Variants in AQP8 observed in about 807,000 individuals in gnomAD.
The protein encoded by AQP8 is aquaporin 8, also known as aquaporin-8.
In AQP8, 14 loss-of-function variants were observed where a neutral mutation model predicts 26.1. The observed-to-expected ratio is 0.54, with a 90% CI of 0.35 to 0.84. The LOEUF (loss-of-function observed/expected upper bound fraction) is 0.84, where lower values mean the gene tolerates loss of function less well. Among genes scored for constraint, AQP8 ranks in the 40% least tolerant of loss-of-function variants. AQP8 has a pLI of 0.01. For synonymous variants in AQP8, 131 were observed against 150.7 expected, an observed-to-expected ratio of 0.87 and a Z score of 0.96; for missense variants, 301 against 340.5, an observed-to-expected ratio of 0.88 and a Z score of 0.91.
chr16:25,220,990 G>A (rs1380985800), intron 2 of AQP8, among the ~76,000 whole-genome samples: 1 of 152,212 alleles, frequency 6.6e-6, no homozygotes, highest in Non-Finnish European at 1.5e-5. Context: ...GGTGGAAGCT[G>A]CAGTGAGCCG....
chr16:25,217,422 G>A lies in AQP8; in HGVS notation c.237G>A (p.Val79=), dbSNP rs1283853260. The part of the protein sequence containing the change: ...ALAHGLALGL[V]IATLGNISGG... Reference sequence around the variant, plus strand: ...CCCACGGGCTGGCTTTGGGGCTCGTGATTGCCACGCTGGGGAATATCAGGT... The same window carrying A: ...CCCACGGGCTGGCTTTGGGGCTCGTAATTGCCACGCTGGGGAATATCAGGT... The change falls in exon 2 of 6, where the codon GTG becomes GTA. Residue 79 remains valine, a synonymous_variant. Coordinates refer to ENST00000219660, the MANE Select transcript of AQP8 (RefSeq NM_001169.3). 6.2e-7 allele frequency: 1 copy of A among 1,614,138 alleles called. No individual in the cohort carries two copies. Among genetic ancestry groups the A allele is most frequent in the East Asian group, 2.2e-5 (1 of 44,878 alleles).
At chr16:25,221,991 C>T (rs895111811) in intron 3 of AQP8, among the ~76,000 whole-genome samples, 1 of 152,188 alleles carries the variant, frequency 6.6e-6, no homozygotes, top group Non-Finnish European at 1.5e-5. Context: ...TGGTCTTGAA[C>T]TACTGAGCTC....
intron 4 of AQP8, among the ~76,000 whole-genome samples, chr16:25,224,889 T>C (rs1417002016): frequency 6.6e-6 from 1 of 152,244 alleles, no homozygotes; most frequent in Non-Finnish European, 1.5e-5. Context: ...AATACAACAT[T>C]TCTGTGAACT....
intron 3 of AQP8, among the ~76,000 whole-genome samples, chr16:25,222,211 G>A (rs1320442572): frequency 2.0e-5 from 3 of 152,146 alleles, no homozygotes; most frequent in Non-Finnish European, 2.9e-5. Flanking sequence ...GACTACAGGT[G>A]TGTGTCACCA....
Position 25,217,208 on chromosome 16 carries a change from G to A in AQP8, c.23G>A (p.Cys8Tyr), listed in dbSNP as rs369810183. 140 of 1,614,040 alleles carry A rather than the reference G, an allele frequency of 8.7e-5. 1 individual carries two copies. The highest frequency in any genetic ancestry group is 1.1e-4 in the Non-Finnish European group (129 of 1,180,052). The change falls in exon 2 of 6, where the codon TGT (cysteine) becomes TAT (tyrosine). Residue 8 changes from cysteine (C) to tyrosine (Y), a missense_variant. Physicochemically the swap from Cys to Tyr is radical, Grantham distance 194. Transcript: ENST00000219660. ...TTTTCCCTACGGCAGATAGCCATGT[G>A]TGAGCCTGAATTTGGCAATGACAAG... MSGEIAM[C>Y]EPEFGNDKAR...
intron 3 of AQP8, 76 bp downstream of exon 3, chr16:25,221,659 TG>T: frequency 6.5e-7 from 1 of 1,548,216 alleles, no homozygotes; most frequent in South Asian, 1.2e-5. Context: ...GGTGTGTGTG[TG>T]GGACAGTGGG....
intron 3 of AQP8, 57 bp downstream of exon 3, chr16:25,221,640 G>A: frequency 4.4e-6 from 7 of 1,604,090 alleles, no homozygotes; most frequent in Non-Finnish European, 5.1e-6. Flanking sequence ...TGCTGGAGGT[G>A]CATATGTGGG....
intron 3 of AQP8, among the ~76,000 whole-genome samples, chr16:25,222,575 C>CT (rs745935075): frequency 6.5e-4 from 98 of 151,812 alleles, no homozygotes; most frequent in Non-Finnish European, 1.2e-3. Flanking sequence ...CCCTCTTTTT[C>CT]TTTTTTTTCC....
At chr16:25,227,346 C>A in intron 5 of AQP8, 144 bp downstream of exon 5, 1 of 957,196 alleles carries the variant, frequency 1.0e-6, no homozygotes, top group African/African-American at 1.6e-5. Context: ...AAAATGGCTC[C>A]ATCTAGGAGC....
At chr16:25,228,375 C>T in intron 5 of AQP8, 69 bp from the exon 6 acceptor site, 1 of 1,493,544 alleles carries the variant, frequency 6.7e-7, no homozygotes, top group Non-Finnish European at 9.3e-7. Context: ...ACTTCTGAGC[C>T]TGGAGACATG....
chr16:25,228,517 G>A lies in AQP8; in HGVS notation c.*25G>A. The stretch of plus-strand genomic sequence containing the variant: ...AAGCAGAGCTCGTGGGATTCCTGCT[G>A]CTCCAGGTGTCCTCAGCTCACCTGT... On this transcript the variant is annotated 3_prime_UTR_variant, in exon 6 of 6. Transcript: ENST00000219660. 1 of 1,613,370 alleles carries A rather than the reference G, an allele frequency of 6.2e-7. No homozygotes were observed. Among genetic ancestry groups the A allele is most frequent in the Non-Finnish European group, 8.5e-7 (1 of 1,179,352 alleles).
At chr16:25,221,029 C>T (rs890382067) in intron 2 of AQP8, among the ~76,000 whole-genome samples, 13 of 152,208 alleles carry the variant, frequency 8.5e-5, no homozygotes, top group South Asian at 2.1e-4. Flanking sequence ...GCAGCCCGCG[C>T]GACAGAGCAA....
rs925875586 is a variant in AQP8, at chr16:25,221,637, G to A, written c.387+54G>A. 7 of 1,607,482 alleles carry A rather than the reference G, an allele frequency of 4.4e-6. No homozygotes were observed. The African/African-American group carries it at 9.3e-5, about 21-fold the overall frequency. On this transcript the variant is annotated intron_variant, in intron 3 of 5. Transcript: ENST00000219660. ...CTTCCTCTCTGATGGGGCTGCTGGA[G>A]GTGCATATGTGGGTGTGTGTGTGGG...
At position 25,228,602 on chromosome 16, in the gene AQP8, G is replaced by A. The variant is rs1375587058; in HGVS notation, c.*110G>A. Reference sequence around the variant, plus strand: ...TGCCAGGGCAGAGGCCCAGAGGAGCGACCCCCTGCTTCCACTGCTTGGGCC... The same window carrying A: ...TGCCAGGGCAGAGGCCCAGAGGAGCAACCCCCTGCTTCCACTGCTTGGGCC... On this transcript the variant is annotated 3_prime_UTR_variant, in exon 6 of 6. Transcript: ENST00000219660. The A allele has an allele frequency of 9.3e-6, 11 of 1,187,522 alleles. No homozygotes were observed. Among genetic ancestry groups the A allele is most frequent in the Admixed American group, 7.6e-5 (4 of 52,718 alleles). The allele number at this position is 1,187,522 out of a possible 1,614,324, so 73.6% of individuals were successfully genotyped here.
At chr16:25,222,780 T>C (rs1962581210) in intron 3 of AQP8, among the ~76,000 whole-genome samples, 1 of 152,106 alleles carries the variant, frequency 6.6e-6, no homozygotes, top group African/African-American at 2.4e-5. Flanking sequence ...CTCACTTTAC[T>C]GTCATCCCCT....
chr16:25,227,290 C>G, intron 5 of AQP8, 88 bp downstream of exon 5: 1 of 1,554,502 alleles, frequency 6.4e-7, no homozygotes, highest in Non-Finnish European at 8.8e-7. Flanking sequence ...GCTAGGCTCT[C>G]ACTTGGGTTT....
intron 2 of AQP8, among the ~76,000 whole-genome samples, chr16:25,219,392 G>A (rs143829696): frequency 6.6e-6 from 1 of 151,518 alleles, no homozygotes; most frequent in African/African-American, 2.4e-5. Flanking sequence ...CTGGATCCAG[G>A]ATAAGCTATG....
chr16:25,228,424 C>G lies in AQP8; in HGVS notation c.738-20C>G. The G allele has an allele frequency of 6.2e-7, 1 of 1,613,790 alleles. No individual in the cohort carries two copies. Among genetic ancestry groups the G allele is most frequent in the Non-Finnish European group, 8.5e-7 (1 of 1,179,778 alleles). The stretch of plus-strand genomic sequence containing the variant: ...TCTCACCTCCGGGGCAGAGACCTTA[C>G]TGGGTCATCTTTCTTGCAGGTGCTT... On this transcript the variant is annotated intron_variant, in intron 5 of 5. Coordinates refer to ENST00000219660, the MANE Select transcript of AQP8 (RefSeq NM_001169.3).
At position 25,216,968 on chromosome 16, in the gene AQP8, A is replaced by G. The variant is rs1962493030; in HGVS notation, c.-78A>G. 3 of 1,596,928 alleles carry G rather than the reference A, an allele frequency of 1.9e-6. No individual in the cohort carries two copies. The highest frequency in any genetic ancestry group is 1.7e-4 in the Middle Eastern group (1 of 6,022). The stretch of plus-strand genomic sequence containing the variant: ...GATCAGCAGGTCCTGTCCCTAGGAG[A>G]TAAGAGTATCTTGCACAGCAGGTGC... On this transcript the variant is annotated 5_prime_UTR_variant, in exon 1 of 6. Coordinates refer to ENST00000219660, the MANE Select transcript of AQP8 (RefSeq NM_001169.3).
Sources: allele counts gnomAD v4.1 joint callset (sites outside exome capture counted in the v4.1 genomes callset), GRCh38; gene constraint gnomAD v4.1.1; transcripts MANE v1.5; gene names NCBI Gene and HGNC (gene_info 2026-07-23, HGNC 2026-07-21).